Variants in USP47 observed in about 807,000 individuals in gnomAD.
USP47 encodes ubiquitin specific peptidase 47, also known as ubiquitin carboxyl-terminal hydrolase 47.
USP47 carries 35 observed loss-of-function variants against 165.1 expected under a neutral mutation model. The observed-to-expected ratio is 0.21, with a 90% confidence interval of 0.16 to 0.28. The LOEUF (loss-of-function observed/expected upper bound fraction) is 0.28. USP47 is among the 10% of genes least tolerant of loss of function. USP47 has a pLI of 1.00. For synonymous variants in USP47, 531 were observed against 544.5 expected (o/e 0.98, Z 0.35); for missense variants, 1,277 against 1,607.4 (o/e 0.79, Z 3.52).
intron 1 of USP47, among the ~76,000 whole-genome samples, chr11:11,851,097 C>G (rs373037199): frequency 4.1e-4 from 62 of 152,306 alleles, no homozygotes; most frequent in African/African-American, 1.3e-3. Flanking sequence ...AGTGACACAT[C>G]TTTTCTTTTG....
Position 11,956,936 on chromosome 11 carries a change from GTT to G in USP47, c.*762_*763del, listed in dbSNP as rs1345367539. 1 of 152,138 alleles carries G rather than the reference GTT, an allele frequency of 6.6e-6. No homozygotes were observed. The highest frequency in any genetic ancestry group is 1.5e-5 in the Non-Finnish European group (1 of 68,020). 9.4% of individuals were successfully genotyped at this position (152,138 alleles called of 1,614,324 possible). On this transcript the variant is annotated 3_prime_UTR_variant, in exon 28 of 28. Transcript: ENST00000527733. The stretch of plus-strand genomic sequence containing the variant: ...ATGTAAATAAAATTGATCCTGTTGA[GTT>G]ATCATAATTGCAGTTCAACTATCTG...
intron 1 of USP47, among the ~76,000 whole-genome samples, chr11:11,878,945 T>A (rs1470695655): frequency 6.6e-6 from 1 of 152,172 alleles, no homozygotes; most frequent in Non-Finnish European, 1.5e-5. Context: ...CTGATAGTGT[T>A]ATAAAAACTA....
intron 1 of USP47, among the ~76,000 whole-genome samples, chr11:11,872,764 A>G (rs1055335828): frequency 1.3e-5 from 2 of 152,256 alleles, no homozygotes. Flanking sequence ...AAATGCGTAC[A>G]TATACTTTGA....
At chr11:11,906,407 T>C (rs527261822) in intron 8 of USP47, among the ~76,000 whole-genome samples, 3 of 152,184 alleles carry the variant, frequency 2.0e-5, no homozygotes, top group African/African-American at 4.8e-5. Context: ...TAGCTAAAAA[T>C]CAGTTTTTTA....
At chr11:11,875,481 G>T (rs1850351630) in intron 1 of USP47, among the ~76,000 whole-genome samples, 2 of 152,182 alleles carry the variant, frequency 1.3e-5, no homozygotes, top group Non-Finnish European at 2.9e-5. Context: ...AAATGTCTTA[G>T]AACTATGCCA....
At chr11:11,882,566 T>G (rs1850901129) in intron 2 of USP47, among the ~76,000 whole-genome samples, 1 of 152,194 alleles carries the variant, frequency 6.6e-6, no homozygotes, top group Admixed American at 6.5e-5. Context: ...CATCACCACA[T>G]AATTTCCAGT....
chr11:11,936,123 A>G (rs1258527254), intron 16 of USP47, among the ~76,000 whole-genome samples, 180 bp from the exon 17 acceptor site: 5 of 151,682 alleles, frequency 3.3e-5, no homozygotes, highest in Non-Finnish European at 5.9e-5. Context: ...TTTAAAAATA[A>G]CATTTAAGTT....
chr11:11,944,239 CT>C (rs1246897129), intron 20 of USP47, among the ~76,000 whole-genome samples: 1 of 150,810 alleles, frequency 6.6e-6, no homozygotes, highest in Admixed American at 6.7e-5. Flanking sequence ...TATGCTTCAT[CT>C]CATGGGGAGG....
In USP47 at chr11:11,923,073, T is replaced by TG. The variant is rs1353799604; in HGVS notation, c.1386+182_1386+183insG. On this transcript the variant is annotated intron_variant, in intron 11 of 27. Coordinates refer to ENST00000527733, the MANE Select transcript of USP47 (RefSeq NM_001282659.2). ...ATATATATATATATATATATATATA[T>TG]ATATATATATATGACTATAATTAAA... Among the ~76,000 whole-genome samples, 3 of 107,606 alleles carry TG rather than the reference T, an allele frequency of 2.8e-5. No homozygotes were observed. The Admixed American group carries it at 3.5e-4, about 12-fold the overall frequency. 70.6% of individuals were successfully genotyped at this position (107,606 alleles called of 152,430 possible). A position where few individuals can be genotyped will look rare whatever the true frequency, so the allele number is the denominator to read the frequency against.
intron 11 of USP47, among the ~76,000 whole-genome samples, chr11:11,927,663 T>C (rs898989035): frequency 1.3e-5 from 2 of 152,144 alleles, no homozygotes; most frequent in Non-Finnish European, 2.9e-5. Flanking sequence ...CTAGGTGCTT[T>C]CTGTTCTACG....
intron 8 of USP47, among the ~76,000 whole-genome samples, chr11:11,918,315 C>A (rs984937695): frequency 7.2e-5 from 11 of 152,008 alleles, no homozygotes; most frequent in Non-Finnish European, 1.2e-4. Context: ...TCTGGAATGC[C>A]TCGAGATTAA....
chr11:11,881,208 C>T (rs748210893), intron 2 of USP47, among the ~76,000 whole-genome samples: 10 of 152,070 alleles, frequency 6.6e-5, no homozygotes, highest in South Asian at 2.1e-4. Flanking sequence ...AAGGGTGAGA[C>T]GTGCTGCTAG....
At position 11,861,413 on chromosome 11, in the gene USP47, T is replaced by C. The variant is rs1467219787; in HGVS notation, c.40-18764T>C. ...ACCCGGCCCCATCCAACTTTGAATG[T>C]AGTTGTATGTTGAGTGTGATGAGCC... On this transcript the variant is annotated intron_variant, in intron 1 of 27. Transcript: ENST00000527733. 2.6e-5 allele frequency among the ~76,000 whole-genome samples: 4 copies of C among 152,212 alleles called. No individual in the cohort carries two copies. In the East Asian group the frequency reaches 7.7e-4, roughly 29 times the overall value.
chr11:11,890,769 A>T (rs1272298532), intron 3 of USP47, among the ~76,000 whole-genome samples: 1 of 152,244 alleles, frequency 6.6e-6, no homozygotes, highest in East Asian at 1.9e-4. Context: ...CTAAATGCCC[A>T]TCAATGATAG....
At chr11:11,920,780 G>C (rs1343611764) in intron 10 of USP47, among the ~76,000 whole-genome samples, 5 of 151,828 alleles carry the variant, frequency 3.3e-5, no homozygotes. Flanking sequence ...ATTTCTTGAA[G>C]TTGAGTGATA....
chr11:11,920,558 G>A, intron 10 of USP47, 64 bp downstream of exon 10: 1 of 1,466,634 alleles, frequency 6.8e-7, no homozygotes, highest in African/African-American at 1.4e-5. Flanking sequence ...GGTTTTGAAA[G>A]AGCTGTTTGA....
chr11:11,845,802 T>A (rs1041956577), intron 1 of USP47, among the ~76,000 whole-genome samples: 23 of 152,250 alleles, frequency 1.5e-4, no homozygotes, highest in Non-Finnish European at 2.8e-4. Context: ...TAATCTTTGA[T>A]AAAATCTTTG....
intron 1 of USP47, among the ~76,000 whole-genome samples, chr11:11,864,551 C>G (rs925254659): frequency 6.6e-6 from 1 of 151,200 alleles, no homozygotes; most frequent in Non-Finnish European, 1.5e-5. Flanking sequence ...TGCCCCTAAC[C>G]TCTGGCAACC....
At chr11:11,887,782 A>G (rs1851258940) in intron 3 of USP47, among the ~76,000 whole-genome samples, 1 of 152,198 alleles carries the variant, frequency 6.6e-6, no homozygotes, top group Non-Finnish European at 1.5e-5. Flanking sequence ...CATTCTTCTC[A>G]TCACCACACA....
Sources: gnomAD v4.1 joint callset for allele counts (sites outside exome capture counted in the v4.1 genomes callset) on GRCh38, gnomAD v4.1.1 for gene constraint, MANE v1.5 for transcripts, NCBI Gene and HGNC (gene_info 2026-07-23, HGNC 2026-07-21) for gene names.